The following MAPK8 variants were observed in gnomAD, a reference collection of about 807,000 sequenced individuals.
MAPK8 encodes JUN N-terminal kinase.
Under a neutral mutation model 52.9 loss-of-function variants are expected in MAPK8, and 13 were observed. The observed-to-expected ratio is 0.25, with a 90% CI of 0.16 to 0.39. MAPK8 has a LOEUF of 0.39. MAPK8 is among the 10% of genes least tolerant of loss of function. The pLI, the probability that MAPK8 is intolerant of heterozygous loss-of-function variation, is 1.00. For synonymous variants in MAPK8, 191 were observed against 169.8 expected (o/e 1.12, Z -0.97); for missense variants, 300 against 519.2 (o/e 0.58, Z 4.10).
At chr10:48,362,532 C>A (rs1847629529) in intron 1 of MAPK8, among the ~76,000 whole-genome samples, 1 of 126,112 alleles carries the variant, frequency 7.9e-6, no homozygotes, top group Non-Finnish European at 1.6e-5. Context: ...ACCACATTTT[C>A]TTTTTATTAG....
intron 1 of MAPK8, among the ~76,000 whole-genome samples, chr10:48,322,042 TAGTGGAGTATGTTCCCTCTC>T (rs1192458965): frequency 6.6e-6 from 1 of 152,196 alleles, no homozygotes; most frequent in Non-Finnish European, 1.5e-5. Flanking sequence ...TGTGGCAACT[TAGTGGAGTATGTTCCCTCTC>T]AGGTAATATA....
Position 48,330,860 on chromosome 10 carries a change from C to G in MAPK8, c.-50+24039C>G, listed in dbSNP as rs72472026. On this transcript the variant is annotated intron_variant, in intron 1 of 11. Transcript: ENST00000374189. The stretch of plus-strand genomic sequence containing the variant: ...TTTCTTCCCTTTTATGGGCTGACCC[C>G]TCCTCTACATTCTGATCACTTATCA... 6.6e-4 allele frequency among the ~76,000 whole-genome samples: 101 copies of G among 152,296 alleles called. 1 individual carries two copies. In the East Asian group the frequency reaches 0.017, roughly 26 times the overall value.
intron 1 of MAPK8, among the ~76,000 whole-genome samples, chr10:48,348,610 G>A (rs563830385): frequency 1.3e-5 from 2 of 152,302 alleles, no homozygotes; most frequent in South Asian, 4.1e-4. Context: ...CATATGACTA[G>A]CCAGTTTTCC....
chr10:48,402,540 T>C (rs2042213587), intron 2 of MAPK8, among the ~76,000 whole-genome samples: 1 of 152,248 alleles, frequency 6.6e-6, no homozygotes, highest in Admixed American at 6.5e-5. Flanking sequence ...TAAACTGAAA[T>C]GCAGATCACT....
rs552900697 is a variant in MAPK8, at chr10:48,409,174, T to C, written c.253-705T>C. Among the ~76,000 whole-genome samples the C allele has an allele frequency of 2.6e-5, 4 of 152,280 alleles. No individual in the cohort carries two copies. The East Asian group carries it at 5.8e-4, about 22-fold the overall frequency. ...ACAGTCTAGATGTTAGTCTTCAAGC[T>C]GTTTATAGCACAGGGAATGGAAAAA... On this transcript the variant is annotated intron_variant, in intron 3 of 11. Coordinates refer to ENST00000374189, the MANE Select transcript of MAPK8 (RefSeq NM_001323329.2).
chr10:48,433,476 A>C (rs890735859), intron 11 of MAPK8, among the ~76,000 whole-genome samples: 8 of 152,194 alleles, frequency 5.3e-5, no homozygotes, highest in South Asian at 2.1e-4. Context: ...AGAATATACT[A>C]TCTGAATTTC....
chr10:48,329,508 C>CT (rs35984344), intron 1 of MAPK8, among the ~76,000 whole-genome samples: 74,089 of 149,986 alleles, frequency 0.49, 18,768 homozygotes, highest in Middle Eastern at 0.71. Flanking sequence ...ATGAGGCCTC[C>CT]TTTTTTTTTA....
At chr10:48,388,093 G>A (rs891640110) in intron 1 of MAPK8, among the ~76,000 whole-genome samples, 3 of 152,148 alleles carry the variant, frequency 2.0e-5, no homozygotes, top group Non-Finnish European at 2.9e-5. Flanking sequence ...TATTCATTCA[G>A]CTTTAAACAT....
chr10:48,374,496 C>CTAT (rs1455204024), intron 1 of MAPK8, among the ~76,000 whole-genome samples: 41 of 151,776 alleles, frequency 2.7e-4, no homozygotes, highest in Admixed American at 6.6e-4. Context: ...GCTAGCCAGA[C>CTAT]TAATAAAGAA....
intron 1 of MAPK8, among the ~76,000 whole-genome samples, chr10:48,400,699 A>G (rs1192181116): frequency 1.3e-5 from 2 of 152,228 alleles, no homozygotes; most frequent in African/African-American, 4.8e-5. Context: ...TAAAACCACA[A>G]AAAACAATAA....
chr10:48,360,024 G>A (rs951640554), intron 1 of MAPK8, among the ~76,000 whole-genome samples: 5 of 152,090 alleles, frequency 3.3e-5, no homozygotes, highest in African/African-American at 9.7e-5. Flanking sequence ...CAAATTAACC[G>A]GGTTTGGCAG....
chr10:48,420,955 T>G (rs2133193761), intron 6 of MAPK8, among the ~76,000 whole-genome samples: 1 of 152,350 alleles, frequency 6.6e-6, no homozygotes, highest in East Asian at 1.9e-4. Flanking sequence ...ATTTAAACAT[T>G]TTGTATGCAT....
intron 1 of MAPK8, among the ~76,000 whole-genome samples, chr10:48,377,792 AAAAT>A (rs768644226): frequency 2.6e-5 from 4 of 152,186 alleles, no homozygotes; most frequent in East Asian, 3.8e-4. Flanking sequence ...AATTGTTTGA[AAAAT>A]AAATAAAAGA....
At chr10:48,407,670 G>C (rs1156456464) in intron 3 of MAPK8, among the ~76,000 whole-genome samples, 1 of 152,074 alleles carries the variant, frequency 6.6e-6, no homozygotes, top group African/African-American at 2.4e-5. Flanking sequence ...GTGGTTTTTA[G>C]TATATTCAGT....
intron 1 of MAPK8, among the ~76,000 whole-genome samples, chr10:48,379,390 T>G (rs891478872): frequency 6.6e-6 from 1 of 152,302 alleles, no homozygotes; most frequent in South Asian, 2.1e-4. Context: ...CAGTTAAACC[T>G]TGGTACAATA....
At chr10:48,406,830 C>T (rs564328313) in intron 3 of MAPK8, among the ~76,000 whole-genome samples, 1 of 152,280 alleles carries the variant, frequency 6.6e-6, no homozygotes, top group South Asian at 2.1e-4. Flanking sequence ...CTAGCACACA[C>T]TACTGCATAA....
intron 3 of MAPK8, among the ~76,000 whole-genome samples, chr10:48,406,427 T>A (rs1490685555): frequency 6.6e-6 from 1 of 152,122 alleles, no homozygotes; most frequent in African/African-American, 2.4e-5. Context: ...CAAGCCTGGG[T>A]GACTGCAAAG....
At chr10:48,390,813 AT>A (rs1259416597) in intron 1 of MAPK8, among the ~76,000 whole-genome samples, 2 of 152,220 alleles carry the variant, frequency 1.3e-5, no homozygotes, top group Non-Finnish European at 2.9e-5. Context: ...CTTTAAAAAG[AT>A]TTACATTTTG....
intron 1 of MAPK8, among the ~76,000 whole-genome samples, chr10:48,384,933 A>G (rs561074845): frequency 7.9e-5 from 12 of 152,322 alleles, no homozygotes; most frequent in African/African-American, 2.2e-4. Context: ...CACACTTCCA[A>G]GTGGTCTTGG....
Sources: gnomAD v4.1 joint callset for allele counts (sites outside exome capture counted in the v4.1 genomes callset) on GRCh38, gnomAD v4.1.1 for gene constraint, MANE v1.5 for transcripts, NCBI Gene and HGNC (gene_info 2026-07-23, HGNC 2026-07-21) for gene names.